Variants in GATAD2A observed in about 807,000 individuals in gnomAD.
The protein encoded by GATAD2A is transcriptional repressor p66-alpha.
Under a neutral mutation model 68.5 loss-of-function variants are expected in GATAD2A, and 12 were observed. The ratio of observed to expected loss-of-function variants is 0.18; its 90% CI spans 0.11 to 0.28. The LOEUF is 0.28. GATAD2A is among the 10% of genes least tolerant of loss of function. The pLI is 1.00. For missense variants in GATAD2A, 755 were observed against 868.5 expected (o/e 0.87, Z 1.64); for synonymous variants, 410 against 375.3 (o/e 1.09, Z -1.07).
intron 2 of GATAD2A, 103 bp from the exon 3 acceptor site, chr19:19,492,203 G>C (rs2059841252): frequency 5.0e-6 from 6 of 1,211,686 alleles, no homozygotes; most frequent in African/African-American, 1.5e-5. Flanking sequence ...GGGCAGACAG[G>C]GAACAGACGG....
intron 1 of GATAD2A, among the ~76,000 whole-genome samples, chr19:19,409,552 T>A (rs1297099196): frequency 6.6e-6 from 1 of 152,188 alleles, no homozygotes; most frequent in Non-Finnish European, 1.5e-5. Flanking sequence ...GGGAGGTAGC[T>A]TTCCACAGTC....
At chr19:19,500,410 T>G (rs2060450412) in intron 8 of GATAD2A, among the ~76,000 whole-genome samples, 1 of 151,854 alleles carries the variant, frequency 6.6e-6, no homozygotes, top group Admixed American at 6.6e-5. Flanking sequence ...CCTCTGACAT[T>G]GTCTGTGATG....
In GATAD2A at chr19:19,425,167, C is replaced by T. The variant is rs981090630; in HGVS notation, c.-7+19148C>T. The stretch of plus-strand genomic sequence containing the variant: ...AAGTGAACAAAACCCAGCCACTGAC[C>T]GTAAAGGTAATACAATTAGTTGAAA... On this transcript the variant is annotated intron_variant, in intron 1 of 11. Coordinates refer to ENST00000683918, the MANE Select transcript of GATAD2A (RefSeq NM_001384528.1). 5.9e-5 allele frequency among the ~76,000 whole-genome samples: 9 copies of T among 151,972 alleles called. No individual in the cohort carries two copies. The South Asian group carries it at 6.2e-4, about 11-fold the overall frequency.
rs544076665 is a variant in GATAD2A, at chr19:19,493,752, C to G, written c.535-542C>G. Among the ~76,000 whole-genome samples, 27 of 151,690 alleles carry G rather than the reference C, an allele frequency of 1.8e-4. No individual in the cohort carries two copies. In the East Asian group the frequency reaches 4.7e-3, roughly 26 times the overall value. On this transcript the variant is annotated intron_variant, in intron 4 of 11. Coordinates refer to ENST00000683918, the MANE Select transcript of GATAD2A (RefSeq NM_001384528.1). ...TGCCCCCGCGCCCCCTCCCCGCCCC[C>G]CACCTTACACCTACCTAGTTAGCAA...
At chr19:19,404,657 C>T (rs1397470831), upstream of GATAD2A, among the ~76,000 whole-genome samples, 1 of 151,698 alleles carries the variant, frequency 6.6e-6, no homozygotes, top group Non-Finnish European at 1.5e-5. Context: ...CCACTCCAGC[C>T]TGGCGACAGA....
chr19:19,444,548 G>A (rs1045704479), intron 1 of GATAD2A, among the ~76,000 whole-genome samples: 1 of 152,150 alleles, frequency 6.6e-6, no homozygotes, highest in Non-Finnish European at 1.5e-5. Flanking sequence ...AACACCTTGT[G>A]ACGTTGAGGC....
chr19:19,474,814 C>G (rs2058558755), intron 2 of GATAD2A, among the ~76,000 whole-genome samples: 1 of 152,228 alleles, frequency 6.6e-6, no homozygotes, highest in African/African-American at 2.4e-5. Context: ...ACAGGTGTGG[C>G]AGTCCAGCAT....
chr19:19,496,244 AG>A (rs748452735), intron 7 of GATAD2A, 25 bp downstream of exon 7: 26 of 1,604,426 alleles, frequency 1.6e-5, no homozygotes, highest in Non-Finnish European at 2.1e-5. Context: ...ACACTGTGCC[AG>A]GGAGAGTGTG....
At chr19:19,400,466 G>C (rs1187250306) in intron 1 of GATAD2A, among the ~76,000 whole-genome samples, 1 of 152,064 alleles carries the variant, frequency 6.6e-6, no homozygotes, top group Non-Finnish European at 1.5e-5. Flanking sequence ...GACAACGGGG[G>C]CTACTGACCC....
chr19:19,492,409 T>C lies in GATAD2A; in HGVS notation c.373T>C (p.Leu125=), dbSNP rs766913433. ...PRVNGLTTVA[L]KETSTEALMK... ...AGTGAATGGGCTGACCACGGTGGCC[T>C]TGAAGGAGACTAGCACCGAGGCCCT... Residue 125 remains leucine (L), a synonymous_variant, in exon 3 of 12, where the codon TTG becomes CTG. Coordinates refer to ENST00000683918, the MANE Select transcript of GATAD2A (RefSeq NM_001384528.1). 3.1e-6 allele frequency: 5 copies of C among 1,613,778 alleles called. No individual in the cohort carries two copies. In the South Asian group the frequency reaches 4.4e-5, roughly 14 times the overall value.
chr19:19,451,236 C>A (rs1222920016), intron 1 of GATAD2A, among the ~76,000 whole-genome samples: 1 of 151,702 alleles, frequency 6.6e-6, no homozygotes, highest in Non-Finnish European at 1.5e-5. Flanking sequence ...AAAAAATTAG[C>A]CGTTTGTGGT....
chr19:19,394,777 G>T (rs991736781), intron 1 of GATAD2A, among the ~76,000 whole-genome samples: 3 of 152,164 alleles, frequency 2.0e-5, no homozygotes, highest in Non-Finnish European at 4.4e-5. Flanking sequence ...CTGGGAAGGT[G>T]CTGTTTAGAC....
At chr19:19,487,709 G>C (rs1600261457) in intron 2 of GATAD2A, among the ~76,000 whole-genome samples, 1 of 152,188 alleles carries the variant, frequency 6.6e-6, no homozygotes, top group African/African-American at 2.4e-5. Context: ...GGCAGAACAT[G>C]GCCATGCTGG....
Position 19,426,365 on chromosome 19 carries a change from G to C in GATAD2A, c.-7+20346G>C, listed in dbSNP as rs575805677. Among the ~76,000 whole-genome samples the C allele has an allele frequency of 6.6e-5, 10 of 152,250 alleles. 1 individual carries two copies. The South Asian group carries it at 1.9e-3, about 28-fold the overall frequency. On this transcript the variant is annotated intron_variant, in intron 1 of 11. Coordinates refer to ENST00000683918, the MANE Select transcript of GATAD2A (RefSeq NM_001384528.1). ...CACAACAAGCATTCCTTGGCTTATGGCTGTGAGACAAGGCTAGAGTCCCCG... is the reference window on the plus strand; with the variant it reads ...CACAACAAGCATTCCTTGGCTTATGCCTGTGAGACAAGGCTAGAGTCCCCG...
intron 2 of GATAD2A, among the ~76,000 whole-genome samples, chr19:19,488,607 G>A (rs2059591977): frequency 1.3e-5 from 2 of 152,188 alleles, no homozygotes; most frequent in Admixed American, 6.5e-5. Context: ...TATAATCCCG[G>A]CCTCTCCTCC....
At chr19:19,422,937 T>C (rs1005137339) in intron 1 of GATAD2A, among the ~76,000 whole-genome samples, 1 of 152,058 alleles carries the variant, frequency 6.6e-6, no homozygotes, top group Non-Finnish European at 1.5e-5. Context: ...GGTCTCGATC[T>C]CCTGAACTCA....
At chr19:19,438,795 G>A (rs768313279) in intron 1 of GATAD2A, among the ~76,000 whole-genome samples, 4 of 152,212 alleles carry the variant, frequency 2.6e-5, no homozygotes, top group Admixed American at 6.5e-5. Context: ...ATAAACAGTC[G>A]TGGCACATGA....
chr19:19,483,460 G>T (rs528900382), intron 2 of GATAD2A, among the ~76,000 whole-genome samples: 1 of 152,202 alleles, frequency 6.6e-6, no homozygotes, highest in South Asian at 2.1e-4. Flanking sequence ...TCCCAGCCAA[G>T]AGGAGCTCAA....
intron 2 of GATAD2A, among the ~76,000 whole-genome samples, chr19:19,477,034 T>A (rs1457866680): frequency 6.6e-6 from 1 of 152,186 alleles, no homozygotes; most frequent in Non-Finnish European, 1.5e-5. Context: ...GCCCCCACTT[T>A]GTGAATGCCT....
Sources: allele counts gnomAD v4.1 joint callset (sites outside exome capture counted in the v4.1 genomes callset), GRCh38; gene constraint gnomAD v4.1.1; transcripts MANE v1.5; gene names NCBI Gene and HGNC (gene_info 2026-07-23, HGNC 2026-07-21).